The following KCNQ5 variants were observed in gnomAD, a reference collection of about 807,000 sequenced individuals.
KCNQ5 encodes potassium voltage-gated channel subfamily KQT member 5.
In KCNQ5, 30 loss-of-function variants were observed where a neutral mutation model predicts 98.2. The observed-to-expected ratio is 0.31, with a 90% CI of 0.23 to 0.41. The LOEUF (loss-of-function observed/expected upper bound fraction) is 0.41. Ranked by LOEUF, KCNQ5 falls within the 10% of genes least tolerant of loss-of-function variation. The pLI is 1.00. For missense variants in KCNQ5, 835 were observed against 1,182.5 expected (o/e 0.71, Z 4.31); for synonymous variants, 458 against 449.4 (o/e 1.02, Z -0.24).
intron 1 of KCNQ5, among the ~76,000 whole-genome samples, chr6:72,683,858 C>A (rs1488816092): frequency 6.6e-6 from 1 of 151,906 alleles, no homozygotes; most frequent in Admixed American, 6.6e-5. Context: ...TTGTCTGGAG[C>A]TTATAATTTT....
intron 1 of KCNQ5, among the ~76,000 whole-genome samples, chr6:72,982,311 G>A (rs1444528947): frequency 6.6e-6 from 1 of 152,078 alleles, no homozygotes; most frequent in East Asian, 1.9e-4. Flanking sequence ...AAGTCTCTAA[G>A]GACTTGCTTT....
At chr6:73,001,508 TA>T (rs1769568617) in intron 1 of KCNQ5, among the ~76,000 whole-genome samples, 1 of 152,216 alleles carries the variant, frequency 6.6e-6, no homozygotes, top group South Asian at 2.1e-4. Context: ...ACATAGATTA[TA>T]AAACTGCCAT....
intron 1 of KCNQ5, among the ~76,000 whole-genome samples, chr6:72,827,912 A>G (rs1183303037): frequency 6.6e-6 from 1 of 151,988 alleles, no homozygotes; most frequent in Admixed American, 6.6e-5. Flanking sequence ...TATATAGGGT[A>G]AGAGGTGGAA....
chr6:72,774,608 A>AAC (rs150113759), intron 1 of KCNQ5, among the ~76,000 whole-genome samples: 2,703 of 149,658 alleles, frequency 0.018, 56 homozygotes, highest in African/African-American at 0.051. Flanking sequence ...CCAGTATATA[A>AAC]ACACACACAC....
At chr6:73,082,166 G>C (rs1773803765) in intron 5 of KCNQ5, among the ~76,000 whole-genome samples, 1 of 152,160 alleles carries the variant, frequency 6.6e-6, no homozygotes, top group Admixed American at 6.5e-5. Flanking sequence ...GGAGGTAGCA[G>C]GGCAAAGCAG....
intron 1 of KCNQ5, among the ~76,000 whole-genome samples, chr6:72,903,731 G>A (rs906182126): frequency 6.6e-6 from 1 of 152,092 alleles, no homozygotes; most frequent in African/African-American, 2.4e-5. Flanking sequence ...AATTTATTGA[G>A]GCTTGTTTGT....
chr6:72,628,755 G>T (rs1309920096), intron 1 of KCNQ5, among the ~76,000 whole-genome samples: 1 of 151,966 alleles, frequency 6.6e-6, no homozygotes, highest in Non-Finnish European at 1.5e-5. Flanking sequence ...GATTACAGAC[G>T]TGCGCCACCA....
intron 1 of KCNQ5, among the ~76,000 whole-genome samples, chr6:72,791,380 A>T (rs568269494): frequency 6.6e-6 from 1 of 152,320 alleles, no homozygotes; most frequent in Admixed American, 6.5e-5. Flanking sequence ...CCTTGACATC[A>T]TATTTTGAAG....
At chr6:72,709,269 T>C (rs1420242934) in intron 1 of KCNQ5, among the ~76,000 whole-genome samples, 2 of 152,234 alleles carry the variant, frequency 1.3e-5, no homozygotes, top group Non-Finnish European at 2.9e-5. Context: ...TTGCCTTGTT[T>C]TTAGGACATT....
intron 1 of KCNQ5, among the ~76,000 whole-genome samples, chr6:72,985,662 T>A (rs1768734370): frequency 6.6e-6 from 1 of 152,186 alleles, no homozygotes; most frequent in African/African-American, 2.4e-5. Flanking sequence ...AAACAACAGA[T>A]GCTGGTGAGG....
chr6:72,676,637 A>G (rs1022626176), intron 1 of KCNQ5, among the ~76,000 whole-genome samples: 8 of 149,762 alleles, frequency 5.3e-5, no homozygotes, highest in Admixed American at 6.7e-5. Context: ...TCGTGGTTGC[A>G]TTAATTGACC....
chr6:72,799,370 T>C (rs954768301), intron 1 of KCNQ5, among the ~76,000 whole-genome samples: 3 of 152,184 alleles, frequency 2.0e-5, no homozygotes, highest in African/African-American at 7.2e-5. Flanking sequence ...ACAAAATGCC[T>C]TCACTGCAAC....
chr6:73,182,353 A>G (rs1433531885), intron 11 of KCNQ5, among the ~76,000 whole-genome samples: 1 of 152,224 alleles, frequency 6.6e-6, no homozygotes, highest in Non-Finnish European at 1.5e-5. Context: ...CCTTTATAGA[A>G]GAAGCTTTCT....
chr6:72,855,531 G>A (rs985885242), intron 1 of KCNQ5, among the ~76,000 whole-genome samples: 1 of 152,090 alleles, frequency 6.6e-6, no homozygotes, highest in African/African-American at 2.4e-5. Context: ...GACAAAGCTA[G>A]AATACAAAAA....
At chr6:72,694,572 A>G (rs1768387530) in intron 1 of KCNQ5, among the ~76,000 whole-genome samples, 1 of 152,170 alleles carries the variant, frequency 6.6e-6, no homozygotes, top group South Asian at 2.1e-4. Flanking sequence ...CTGAGCCAGA[A>G]TTTCCTCATC....
At chr6:73,089,367 T>G (rs1774137053) in intron 5 of KCNQ5, among the ~76,000 whole-genome samples, 1 of 152,178 alleles carries the variant, frequency 6.6e-6, no homozygotes, top group African/African-American at 2.4e-5. Context: ...GGTTTTGTTT[T>G]GTCTTTATGA....
chr6:72,884,264 T>A (rs762742382), intron 1 of KCNQ5, among the ~76,000 whole-genome samples: 1 of 152,196 alleles, frequency 6.6e-6, no homozygotes, highest in Non-Finnish European at 1.5e-5. Flanking sequence ...TTTTCACAGC[T>A]CATGCTATAT....
intron 1 of KCNQ5, among the ~76,000 whole-genome samples, chr6:72,920,652 T>G (rs1365460937): frequency 6.6e-6 from 1 of 152,226 alleles, no homozygotes; most frequent in African/African-American, 2.4e-5. Context: ...TTTTCTATGT[T>G]CTACATTTTT....
intron 1 of KCNQ5, among the ~76,000 whole-genome samples, chr6:72,789,153 A>ATGTGTGTG (rs58557571): frequency 6.7e-6 from 1 of 148,716 alleles, no homozygotes; most frequent in African/African-American, 2.5e-5. Context: ...GTTCATGTGT[A>ATGTGTGTG]TGTGTGTGTG....
Sources: allele counts gnomAD v4.1 joint callset (sites outside exome capture counted in the v4.1 genomes callset), GRCh38; gene constraint gnomAD v4.1.1; transcripts MANE v1.5; gene names NCBI Gene and HGNC (gene_info 2026-07-23, HGNC 2026-07-21).